Variants in GNG2 observed in about 807,000 individuals in gnomAD.
GNG2 encodes G protein subunit gamma 2.
GNG2 carries 5 observed loss-of-function variants against 5.5 expected under a neutral mutation model. The ratio of observed to expected loss-of-function variants is 0.91; its 90% CI spans 0.48 to 1.92. The LOEUF (loss-of-function observed/expected upper bound fraction) is 1.92, where lower values mean the gene tolerates loss of function less well. GNG2 is among the 30% of genes most tolerant of loss of function. The pLI is 0.01. For missense variants in GNG2, 55 were observed against 88.4 expected (o/e 0.62, Z 1.52); for synonymous variants, 28 against 32.0 (o/e 0.88, Z 0.42).
intron 2 of GNG2, among the ~76,000 whole-genome samples, chr14:51,930,513 G>A (rs894399972): frequency 9.9e-5 from 15 of 152,190 alleles, no homozygotes; most frequent in African/African-American, 2.2e-4. Context: ...CCTTGGTCAC[G>A]TCACCTGATC....
At chr14:51,929,659 A>G (rs1887539462) in intron 2 of GNG2, among the ~76,000 whole-genome samples, 1 of 152,200 alleles carries the variant, frequency 6.6e-6, no homozygotes. Flanking sequence ...CTTCCTCCTC[A>G]GTTTTGGCTT....
chr14:51,835,666 G>C (rs1881310849), intron 2 of GNG2, among the ~76,000 whole-genome samples: 2 of 152,128 alleles, frequency 1.3e-5, no homozygotes, highest in Non-Finnish European at 2.9e-5. Context: ...CTGCTCCCCT[G>C]ACCTACAACT....
chr14:51,916,844 C>T (rs1040997193), intron 2 of GNG2, among the ~76,000 whole-genome samples: 1 of 152,172 alleles, frequency 6.6e-6, no homozygotes, highest in Non-Finnish European at 1.5e-5. Flanking sequence ...GAAGGTCTGG[C>T]CACTGGAGAT....
At chr14:51,964,404 C>G (rs1039462933) in intron 3 of GNG2, among the ~76,000 whole-genome samples, 3 of 152,220 alleles carry the variant, frequency 2.0e-5, no homozygotes, top group Non-Finnish European at 4.4e-5. Context: ...ATACCTGTAC[C>G]TCTTTGTGTC....
At position 51,941,076 on chromosome 14, in the gene GNG2, G is replaced by C. The variant is rs147130509; in HGVS notation, c.-29-9574G>C. Among the ~76,000 whole-genome samples, 14 of 151,910 alleles carry C rather than the reference G, an allele frequency of 9.2e-5. No homozygotes were observed. In the East Asian group the frequency reaches 2.3e-3, roughly 25 times the overall value. On this transcript the variant is annotated intron_variant, in intron 2 of 3. Coordinates refer to ENST00000556766, the MANE Select transcript of GNG2 (RefSeq NM_053064.5). ...GTGTGTATATATACATCATTTAGTA[G>C]TATATAATATAGCATATGTTAGTAT...
chr14:51,892,712 C>T (rs966534380), intron 2 of GNG2, among the ~76,000 whole-genome samples: 13 of 152,160 alleles, frequency 8.5e-5, no homozygotes, highest in African/African-American at 3.1e-4. Flanking sequence ...CCCTTGCCTC[C>T]CTCCTCCCCC....
intron 3 of GNG2, among the ~76,000 whole-genome samples, chr14:51,961,633 GA>G (rs1390617900): frequency 6.6e-5 from 10 of 152,198 alleles, no homozygotes; most frequent in African/African-American, 2.4e-4. Flanking sequence ...AAATAATCAG[GA>G]AAGTCACTGT....
intron 2 of GNG2, among the ~76,000 whole-genome samples, chr14:51,903,489 C>T (rs1885694601): frequency 6.6e-6 from 1 of 152,156 alleles, no homozygotes; most frequent in Admixed American, 6.6e-5. Flanking sequence ...TATGTGCTCA[C>T]AGCTGCTCAA....
chr14:51,864,688 G>A (rs1216228444), intron 1 of GNG2, among the ~76,000 whole-genome samples: 1 of 152,146 alleles, frequency 6.6e-6, no homozygotes, highest in African/African-American at 2.4e-5. Context: ...CACTACGGAG[G>A]CACTGGAGAG....
chr14:51,846,957 G>A (rs1875801495), intron 2 of GNG2, among the ~76,000 whole-genome samples: 1 of 152,096 alleles, frequency 6.6e-6, no homozygotes, highest in South Asian at 2.1e-4. Context: ...TGCAGCGGCT[G>A]GGATCCCACT....
chr14:51,880,173 G>A (rs1413111243), intron 2 of GNG2, among the ~76,000 whole-genome samples: 1 of 152,152 alleles, frequency 6.6e-6, no homozygotes, highest in African/African-American at 2.4e-5. Flanking sequence ...GGGTACTATA[G>A]GTATGGCCCC....
At chr14:51,913,744 G>T (rs890410862) in intron 2 of GNG2, among the ~76,000 whole-genome samples, 1 of 152,168 alleles carries the variant, frequency 6.6e-6, no homozygotes, top group Non-Finnish European at 1.5e-5. Flanking sequence ...TAGTACTGCT[G>T]TAAAACTAGA....
intron 2 of GNG2, among the ~76,000 whole-genome samples, chr14:51,852,185 A>C (rs1396930121): frequency 6.6e-6 from 1 of 152,238 alleles, no homozygotes; most frequent in Non-Finnish European, 1.5e-5. Context: ...ATAAAATCAT[A>C]AACAATAATG....
intron 2 of GNG2, among the ~76,000 whole-genome samples, chr14:51,903,580 C>T (rs897652297): frequency 6.6e-6 from 1 of 152,176 alleles, no homozygotes; most frequent in African/African-American, 2.4e-5. Flanking sequence ...TAAAAAAATA[C>T]TTTCCCTATG....
At chr14:51,906,549 G>C (rs1209977630) in intron 2 of GNG2, among the ~76,000 whole-genome samples, 3 of 152,078 alleles carry the variant, frequency 2.0e-5, no homozygotes, top group Non-Finnish European at 4.4e-5. Context: ...AATTGGAAAA[G>C]ATTTCTTTTT....
At chr14:51,846,315 T>C (rs1279386011) in intron 2 of GNG2, among the ~76,000 whole-genome samples, 1 of 152,222 alleles carries the variant, frequency 6.6e-6, no homozygotes, top group South Asian at 2.1e-4. Flanking sequence ...TCATACATAT[T>C]ACTAAAGATG....
intron 2 of GNG2, among the ~76,000 whole-genome samples, chr14:51,882,112 A>T (rs1884118339): frequency 6.6e-6 from 1 of 152,190 alleles, no homozygotes; most frequent in African/African-American, 2.4e-5. Context: ...AGTAAATGTA[A>T]ATAAGGATCA....
rs1889972163 is a variant in GNG2 at position 51,967,063 on chromosome 14, T to C, written c.*376T>C. ...TAAGATATGTGTGACCTTCTTGGAA[T>C]GAATATTGTCTTTAGAATACCCTTT... On this transcript the variant is annotated 3_prime_UTR_variant, in exon 4 of 4. Transcript: ENST00000556766. 1 of 153,550 alleles carries C rather than the reference T, an allele frequency of 6.5e-6. No homozygotes were observed. Among genetic ancestry groups the C allele is most frequent in the Non-Finnish European group, 1.4e-5 (1 of 70,780 alleles). 9.5% of individuals were successfully genotyped at this position (153,550 alleles called of 1,614,324 possible). A position where few individuals can be genotyped will look rare whatever the true frequency, so the allele number is the denominator to read the frequency against.
At chr14:51,941,393 C>T (rs1353437213) in intron 2 of GNG2, among the ~76,000 whole-genome samples, 1 of 152,174 alleles carries the variant, frequency 6.6e-6, no homozygotes, top group African/African-American at 2.4e-5. Flanking sequence ...CTATAAACCT[C>T]CAATTTGTAT....
Sources: allele counts gnomAD v4.1 joint callset (sites outside exome capture counted in the v4.1 genomes callset), GRCh38; gene constraint gnomAD v4.1.1; transcripts MANE v1.5; gene names NCBI Gene and HGNC (gene_info 2026-07-23, HGNC 2026-07-21).